KIAA1217: variants seen among roughly 807,000 people sequenced by gnomAD.
KIAA1217 encodes sickle tail protein homolog.
In KIAA1217, 88 loss-of-function variants were observed where a neutral mutation model predicts 163.9. That is an observed-to-expected ratio of 0.54 (90% CI 0.45 to 0.64). KIAA1217 has a LOEUF of 0.64. KIAA1217 is among the 30% of genes least tolerant of loss of function. KIAA1217 has a pLI of 0.00. For missense variants in KIAA1217, 2,372 were observed against 2,475.0 expected (o/e 0.96, Z 0.88); for synonymous variants, 903 against 923.1 (o/e 0.98, Z 0.39).
chr10:23,777,666 A>G lies in KIAA1217; in HGVS notation c.-321+82432A>G, dbSNP rs144867856. ...AGTTTGAATTACTTATTTTCATATT[A>G]CATTTAGAAAAAGCCAATCTGTCAT... On this transcript the variant is annotated intron_variant, in intron 1 of 18. Coordinates refer to the KIAA1217 transcript ENST00000376462. Among the ~76,000 whole-genome samples the G allele has an allele frequency of 9.0e-3, 1,363 of 152,236 alleles. 33 individuals carry two copies. The highest frequency in any genetic ancestry group is 0.03 in the African/African-American group (1,266 of 41,538).
chr10:24,444,890 A>C (rs2060796948), intron 5 of KIAA1217, among the ~76,000 whole-genome samples: 1 of 151,066 alleles, frequency 6.6e-6, no homozygotes, highest in African/African-American at 2.4e-5. Flanking sequence ...TCATTCCTGG[A>C]CTCTCTTTTT....
chr10:24,278,613 G>A (rs114462580), intron 2 of KIAA1217, among the ~76,000 whole-genome samples: 1 of 152,174 alleles, frequency 6.6e-6, no homozygotes, highest in African/African-American at 2.4e-5. Flanking sequence ...TGCTGTTCTG[G>A]GCATGATGTT....
chr10:23,933,809 A>G (rs1352929530), intron 1 of KIAA1217, among the ~76,000 whole-genome samples: 1 of 152,240 alleles, frequency 6.6e-6, no homozygotes, highest in East Asian at 1.9e-4. Flanking sequence ...ACTGATCATC[A>G]GAGAAATGCA....
At chr10:23,914,146 A>G (rs542287076) in intron 1 of KIAA1217, among the ~76,000 whole-genome samples, 7 of 152,256 alleles carry the variant, frequency 4.6e-5, no homozygotes, top group African/African-American at 1.7e-4. Flanking sequence ...GATTGGAAGG[A>G]TGAGTGGGCC....
intron 1 of KIAA1217, among the ~76,000 whole-genome samples, chr10:23,785,160 C>A (rs1239527246): frequency 1.3e-5 from 2 of 152,212 alleles, no homozygotes; most frequent in Admixed American, 1.3e-4. Context: ...AGTTCCTCTT[C>A]TGTCACTCTC....
chr10:23,942,621 A>G (rs914903321), intron 1 of KIAA1217, among the ~76,000 whole-genome samples: 4 of 152,272 alleles, frequency 2.6e-5, no homozygotes, highest in African/African-American at 9.6e-5. Context: ...AAGACAACCA[A>G]TTCTGAGAAA....
chr10:23,799,795 A>G (rs376840555), intron 1 of KIAA1217, among the ~76,000 whole-genome samples: 178 of 152,208 alleles, frequency 1.2e-3, no homozygotes, highest in African/African-American at 4.0e-3. Flanking sequence ...CTCTTCTGAA[A>G]TGGAAAACCC....
chr10:24,092,928 T>TGG (rs548350322), intron 2 of KIAA1217, among the ~76,000 whole-genome samples: 5 of 140,952 alleles, frequency 3.5e-5, no homozygotes, highest in African/African-American at 5.5e-5. Context: ...TGTGTGTGTG[T>TGG]TGTGTGTGTG....
chr10:23,993,850 G>T (rs535600127), intron 1 of KIAA1217, among the ~76,000 whole-genome samples: 1 of 152,134 alleles, frequency 6.6e-6, no homozygotes, highest in East Asian at 1.9e-4. Flanking sequence ...AAAGTGCTGG[G>T]ATTACAGGCA....
chr10:24,220,973 T>C (rs2069558710), intron 2 of KIAA1217, among the ~76,000 whole-genome samples: 1 of 151,878 alleles, frequency 6.6e-6, no homozygotes, highest in Non-Finnish European at 1.5e-5. Context: ...ATTGACCAGG[T>C]TGGTCTTGAA....
intron 2 of KIAA1217, among the ~76,000 whole-genome samples, chr10:24,325,795 G>GGC (rs1211836860): frequency 3.9e-5 from 6 of 152,066 alleles, no homozygotes; most frequent in Non-Finnish European, 7.3e-5. Context: ...ATTTCAGAGG[G>GGC]GCAATAAGGG....
chr10:23,829,481 A>G (rs1815389315), intron 1 of KIAA1217, among the ~76,000 whole-genome samples: 1 of 152,206 alleles, frequency 6.6e-6, no homozygotes. Context: ...AAATCCCTTC[A>G]CAGTGATCTG....
chr10:24,512,625 T>C (rs1319815010), intron 9 of KIAA1217, among the ~76,000 whole-genome samples: 1 of 152,246 alleles, frequency 6.6e-6, no homozygotes, highest in African/African-American at 2.4e-5. Context: ...TCATTATCAT[T>C]GCCAACATTA....
intron 5 of KIAA1217, among the ~76,000 whole-genome samples, chr10:24,469,482 G>A (rs2063277890): frequency 6.6e-6 from 1 of 152,024 alleles, no homozygotes; most frequent in South Asian, 2.1e-4. Flanking sequence ...GCTTCTGCTG[G>A]TTAATTGGGA....
At chr10:24,035,259 G>C (rs1279293260) in intron 2 of KIAA1217, among the ~76,000 whole-genome samples, 1 of 152,186 alleles carries the variant, frequency 6.6e-6, no homozygotes, top group African/African-American at 2.4e-5. Flanking sequence ...ACTTAGGACA[G>C]TGTTGGGCAT....
intron 1 of KIAA1217, among the ~76,000 whole-genome samples, chr10:23,818,431 A>T (rs913177860): frequency 1.0e-4 from 15 of 150,122 alleles, no homozygotes; most frequent in African/African-American, 3.7e-4. Context: ...AATTAGACCC[A>T]AAGTGAAAAA....
chr10:24,325,286 G>C (rs1269063960), intron 2 of KIAA1217, among the ~76,000 whole-genome samples: 1 of 152,198 alleles, frequency 6.6e-6, no homozygotes, highest in Admixed American at 6.5e-5. Context: ...TGATTTCAAG[G>C]AGGGAAACTC....
Position 24,543,076 on chromosome 10 carries a change from G to C in KIAA1217, c.3806G>C (p.Gly1269Ala). ...GAAACTGTGCCTAAGGCCAGTTTCG[G>C]TTTCTCTGGCATTAGTCCATTAGAA... ...SQETVPKASF[G>A]FSGISPLEDE... The change falls in exon 19 of 21, where the codon GGT (glycine) becomes GCT (alanine). Residue 1269 changes from glycine to alanine, a missense_variant. Coordinates refer to ENST00000376454, the MANE Select transcript of KIAA1217 (RefSeq NM_019590.5). 1 of 1,613,780 alleles carries C rather than the reference G, an allele frequency of 6.2e-7. No individual in the cohort carries two copies. Among genetic ancestry groups the C allele is most frequent in the Non-Finnish European group, 8.5e-7 (1 of 1,179,944 alleles).
At chr10:24,316,940 G>A (rs2043457812) in intron 2 of KIAA1217, among the ~76,000 whole-genome samples, 1 of 152,174 alleles carries the variant, frequency 6.6e-6, no homozygotes, top group Admixed American at 6.6e-5. Context: ...GAGACGCTCA[G>A]TGTGTGGTCT....
Sources: gnomAD v4.1 joint callset for allele counts (sites outside exome capture counted in the v4.1 genomes callset) on GRCh38, gnomAD v4.1.1 for gene constraint, MANE v1.5 for transcripts, NCBI Gene and HGNC (gene_info 2026-07-23, HGNC 2026-07-21) for gene names.